The following ZNRF1 variants were observed in gnomAD, a reference collection of about 807,000 sequenced individuals.
ZNRF1 encodes the protein zinc and ring finger 1.
Under a neutral mutation model 18.4 loss-of-function variants are expected in ZNRF1, and 3 were observed. The ratio of observed to expected loss-of-function variants is 0.16; its 90% CI spans 0.07 to 0.42. ZNRF1 has a LOEUF of 0.42. ZNRF1 is among the 10% of genes least tolerant of loss of function. ZNRF1 has a pLI of 0.99. For synonymous variants in ZNRF1, 157 were observed against 144.2 expected (o/e 1.09, Z -0.64); for missense variants, 310 against 329.8 (o/e 0.94, Z 0.47).
intron 1 of ZNRF1, among the ~76,000 whole-genome samples, chr16:75,019,607 A>C (rs1174842129): frequency 6.6e-6 from 1 of 152,220 alleles, no homozygotes; most frequent in East Asian, 1.9e-4. Flanking sequence ...GGAACGCAGA[A>C]AAATAAAAAT....
chr16:75,050,227 C>T (rs373677198), intron 1 of ZNRF1, among the ~76,000 whole-genome samples: 2 of 151,986 alleles, frequency 1.3e-5, no homozygotes, highest in Admixed American at 6.6e-5. Context: ...ATCCGAGGAC[C>T]TTTTTAAAAT....
At chr16:75,071,894 C>G (rs1029312698) in intron 1 of ZNRF1, among the ~76,000 whole-genome samples, 1 of 152,096 alleles carries the variant, frequency 6.6e-6, no homozygotes, top group African/African-American at 2.4e-5. Context: ...CTTTTCACCC[C>G]TGACTCCTGC....
intron 1 of ZNRF1, among the ~76,000 whole-genome samples, chr16:75,005,180 A>G (rs2034902451): frequency 6.6e-6 from 1 of 152,160 alleles, no homozygotes; most frequent in African/African-American, 2.4e-5. Flanking sequence ...GCCCTGCAAA[A>G]GTTCTATTGT....
chr16:75,015,389 A>G (rs539342372), intron 1 of ZNRF1, among the ~76,000 whole-genome samples: 1 of 152,272 alleles, frequency 6.6e-6, no homozygotes, highest in East Asian at 1.9e-4. Context: ...CAGCTTGACC[A>G]ACATGGACAA....
At chr16:75,078,694 TGTAAA>T in intron 1 of ZNRF1, among the ~76,000 whole-genome samples, 1 of 152,236 alleles carries the variant, frequency 6.6e-6, no homozygotes, top group East Asian at 1.9e-4. Flanking sequence ...TTACAATCAA[TGTAAA>T]GTTAGTCTTC....
chr16:75,031,743 C>G (rs1254145195), intron 1 of ZNRF1, among the ~76,000 whole-genome samples: 1 of 152,140 alleles, frequency 6.6e-6, no homozygotes, highest in Non-Finnish European at 1.5e-5. Context: ...CTCAAGCATT[C>G]TGCCCATCTC....
chr16:75,046,607 G>A (rs550645331), intron 1 of ZNRF1, among the ~76,000 whole-genome samples: 61 of 151,566 alleles, frequency 4.0e-4, no homozygotes, highest in African/African-American at 1.5e-3. Flanking sequence ...ACTGAGTCTC[G>A]CTCTGTCGCC....
At chr16:75,023,959 C>T (rs537445466) in intron 1 of ZNRF1, among the ~76,000 whole-genome samples, 128 of 149,128 alleles carry the variant, frequency 8.6e-4, no homozygotes, top group Non-Finnish European at 1.6e-3. Context: ...CAATCTCCAC[C>T]TCCTGGGTTC....
chr16:75,102,594 C>T (rs1314569591), intron 2 of ZNRF1, among the ~76,000 whole-genome samples: 4 of 152,162 alleles, frequency 2.6e-5, no homozygotes, highest in Non-Finnish European at 2.9e-5. Context: ...TTTCACCTGC[C>T]CTTCAAATAT....
chr16:75,025,308 T>C (rs902736592), intron 1 of ZNRF1, among the ~76,000 whole-genome samples: 2 of 152,134 alleles, frequency 1.3e-5, no homozygotes, highest in Non-Finnish European at 1.5e-5. Context: ...GACCTTGTGA[T>C]CCGCCCATCT....
chr16:75,092,233 C>G (rs192017081), intron 1 of ZNRF1, among the ~76,000 whole-genome samples: 1 of 152,254 alleles, frequency 6.6e-6, no homozygotes, highest in East Asian at 1.9e-4. Flanking sequence ...TCATAAAGGT[C>G]TTCATCGTGT....
At chr16:75,031,605 C>T (rs1401253492) in intron 1 of ZNRF1, among the ~76,000 whole-genome samples, 3 of 151,988 alleles carry the variant, frequency 2.0e-5, no homozygotes, top group African/African-American at 4.8e-5. Context: ...CTCCAAAGCT[C>T]GAGTGATCCT....
intron 1 of ZNRF1, among the ~76,000 whole-genome samples, chr16:75,021,691 T>G (rs2035150825): frequency 6.6e-6 from 1 of 152,240 alleles, no homozygotes. Context: ...TTACTGCATT[T>G]GAAAAGTCTT....
chr16:75,046,516 G>T (rs1384161426), intron 1 of ZNRF1, among the ~76,000 whole-genome samples: 1 of 152,132 alleles, frequency 6.6e-6, no homozygotes, highest in Non-Finnish European at 1.5e-5. Context: ...CTCCCAAAAT[G>T]CTGAGATTAC....
intron 1 of ZNRF1, among the ~76,000 whole-genome samples, chr16:75,051,333 G>A (rs1200517733): frequency 1.3e-5 from 2 of 151,734 alleles, no homozygotes; most frequent in African/African-American, 4.8e-5. Context: ...TCAGCATCTC[G>A]AGTAGCTGGG....
At chr16:75,055,785 A>T (rs1034253004) in intron 1 of ZNRF1, among the ~76,000 whole-genome samples, 1 of 152,056 alleles carries the variant, frequency 6.6e-6, no homozygotes, top group Non-Finnish European at 1.5e-5. Context: ...CAGCATAAAC[A>T]CTCAGTCTTG....
At chr16:75,066,824 G>T (rs1005793615) in intron 1 of ZNRF1, among the ~76,000 whole-genome samples, 3 of 152,038 alleles carry the variant, frequency 2.0e-5, no homozygotes, top group African/African-American at 7.2e-5. Context: ...ATTATAAAAT[G>T]ATAATCTTCC....
rs903458081 is a variant in ZNRF1 at position 75,109,583 on chromosome 16, G to C, written c.*1883G>C. On this transcript the variant is annotated 3_prime_UTR_variant, in exon 5 of 5. Coordinates refer to ENST00000335325, the MANE Select transcript of ZNRF1 (RefSeq NM_032268.5). ...GAAGACTCGGTGGTTCAGAGCCTGG[G>C]TCTCAGCGCGGGACCCGTCTGGGGT... The C allele has an allele frequency of 6.5e-6, 1 of 152,874 alleles. No homozygotes were observed. Among genetic ancestry groups the C allele is most frequent in the African/African-American group, 2.4e-5 (1 of 41,472 alleles). 9.5% of individuals were successfully genotyped at this position (152,874 alleles called of 1,614,324 possible).
At chr16:75,101,648 C>A (rs1454894735) in intron 2 of ZNRF1, among the ~76,000 whole-genome samples, 1 of 152,224 alleles carries the variant, frequency 6.6e-6, no homozygotes. Flanking sequence ...TCTTATCCTT[C>A]TGATGCATTT....
Sources: allele counts gnomAD v4.1 joint callset (sites outside exome capture counted in the v4.1 genomes callset), GRCh38; gene constraint gnomAD v4.1.1; transcripts MANE v1.5; gene names NCBI Gene and HGNC (gene_info 2026-07-23, HGNC 2026-07-21).